DMD: variants seen among roughly 807,000 people sequenced by gnomAD.
DMD encodes dystrophin.
In DMD, 63 loss-of-function variants were observed where a neutral mutation model predicts 330.1. That is an observed-to-expected ratio of 0.19 (90% confidence interval 0.16 to 0.24). DMD has a LOEUF of 0.24. Ranked by LOEUF, DMD falls within the 10% of genes least tolerant of loss-of-function variation. DMD has a pLI of 1.00. For missense variants in DMD, 3,344 were observed against 2,684.1 expected (o/e 1.25, Z -5.43); for synonymous variants, 1,223 against 959.8 (o/e 1.27, Z -5.07).
intron 47 of DMD, among the ~76,000 whole-genome samples, chrX:31,900,248 G>T (rs1454114662): frequency 9.0e-6 from 1 of 111,299 alleles, no homozygotes; most frequent in Non-Finnish European, 1.9e-5. Flanking sequence ...CACTGATACG[G>T]TTTGGCTGTG....
chrX:32,365,275 G>A lies in DMD; in HGVS notation c.4846-76C>T, dbSNP rs1184897347. On this transcript the variant is annotated intron_variant, in intron 34 of 78. Coordinates refer to ENST00000357033, the MANE Select transcript of DMD (RefSeq NM_004006.3). Reference sequence around the variant, plus strand: ...TTTAATGCTTATGAAACGGCTTTCTGTATGGTTACTATGATTCTGCAAGGT... The same window carrying A: ...TTTAATGCTTATGAAACGGCTTTCTATATGGTTACTATGATTCTGCAAGGT... 3.9e-6 allele frequency: 4 copies of A among 1,013,950 alleles called. No individual in the cohort carries two copies. In the African/African-American group the frequency reaches 7.5e-5, roughly 19 times the overall value. The allele number at this position is 1,013,950 out of a possible 1,213,427, so 83.6% of individuals were successfully genotyped here. A position where few individuals can be genotyped will look rare whatever the true frequency, so the allele number is the denominator to read the frequency against.
intron 62 of DMD, among the ~76,000 whole-genome samples, chrX:31,322,496 A>ATACC (rs1215113705): frequency 8.9e-6 from 1 of 112,300 alleles, no homozygotes; most frequent in Non-Finnish European, 1.9e-5. Context: ...AAGTTAAGAG[A>ATACC]TACCTCATCT....
chrX:31,716,904 C>G (rs914628908), intron 52 of DMD, among the ~76,000 whole-genome samples: 2 of 109,136 alleles, frequency 1.8e-5, no homozygotes, highest in Non-Finnish European at 3.8e-5. Flanking sequence ...ATAACTGACT[C>G]CAAATGTAGC....
intron 41 of DMD, among the ~76,000 whole-genome samples, chrX:32,315,830 G>A (rs886305267): frequency 2.7e-5 from 3 of 111,850 alleles, no homozygotes; most frequent in Non-Finnish European, 5.7e-5. Flanking sequence ...TCTTTTAGAA[G>A]AGTGTTATGT....
At chrX:31,323,983 T>TA (rs11413320) in intron 61 of DMD, among the ~76,000 whole-genome samples, 3 of 111,674 alleles carry the variant, frequency 2.7e-5, no homozygotes, top group Non-Finnish European at 5.6e-5. Flanking sequence ...TGCTTTTTTT[T>TA]ATAATACTTC....
At chrX:31,659,872 T>C (rs1182322206) in intron 53 of DMD, among the ~76,000 whole-genome samples, 1 of 110,904 alleles carries the variant, frequency 9.0e-6, no homozygotes, top group African/African-American at 3.3e-5. Flanking sequence ...ATGGAAGAAA[T>C]TGAAAATAAT....
chrX:32,465,576 T>A (rs1345855141), intron 23 of DMD, among the ~76,000 whole-genome samples: 1 of 33,762 alleles, frequency 3.0e-5, no homozygotes, highest in Non-Finnish European at 5.9e-5. Flanking sequence ...TTTTTGTTTG[T>A]TTTTTGTTTT....
intron 59 of DMD, among the ~76,000 whole-genome samples, chrX:31,470,027 T>C (rs1426762227): frequency 9.0e-6 from 1 of 111,081 alleles, no homozygotes; most frequent in African/African-American, 3.3e-5. Context: ...CTTCAGGTCA[T>C]TTATGTTCCT....
intron 7 of DMD, among the ~76,000 whole-genome samples, chrX:32,736,254 A>T (rs987405579): frequency 1.8e-5 from 2 of 111,595 alleles, no homozygotes; most frequent in African/African-American, 6.5e-5. Flanking sequence ...ATCATTAAAA[A>T]GTCAGGAAAC....
intron 18 of DMD, among the ~76,000 whole-genome samples, chrX:32,516,375 G>A (rs1490253147): frequency 9.0e-6 from 1 of 111,716 alleles, no homozygotes; most frequent in Non-Finnish European, 1.9e-5. Context: ...GGTTGATAAA[G>A]GGGACTCACA....
Position 32,441,326 on chromosome X carries a change from A to G in DMD, c.3787-12T>C. 1.7e-6 allele frequency: 2 copies of G among 1,201,378 alleles called. No homozygotes were observed. Among genetic ancestry groups the G allele is most frequent in the Non-Finnish European group, 2.3e-6 (2 of 886,791 alleles). Reference sequence around the variant, plus strand: ...CATGCCCAAACTTCCTAAGAAAGAAATATATATCACAGATTAAATATTATG... The same window carrying G: ...CATGCCCAAACTTCCTAAGAAAGAAGTATATATCACAGATTAAATATTATG... On this transcript the variant is annotated splice_polypyrimidine_tract_variant and intron_variant, in intron 27 of 78. Transcript: ENST00000357033.
Position 31,180,487 on chromosome X carries a change from A to G in DMD, c.9975-6T>C, listed in dbSNP as rs1459745620. 2.6e-5 allele frequency: 29 copies of G among 1,111,385 alleles called. No individual in the cohort carries two copies. Among genetic ancestry groups the G allele is most frequent in the Non-Finnish European group, 3.6e-5 (29 of 805,310 alleles). 91.6% of individuals were successfully genotyped at this position (1,111,385 alleles called of 1,213,427 possible). ...AGTGCTTTAGACTCCTGTACCTGAT[A>G]AAGAGCAAAAACAAACACGTATGTA... On this transcript the variant is annotated splice_polypyrimidine_tract_variant and splice_region_variant and intron_variant, in intron 68 of 78. Transcript: ENST00000357033.
At chrX:32,581,411 A>C (rs866092048) in intron 13 of DMD, among the ~76,000 whole-genome samples, 36 of 112,143 alleles carry the variant, frequency 3.2e-4, no homozygotes, top group Non-Finnish European at 9.4e-5. Context: ...CTTTCTCTAG[A>C]GAGGTTAGAA....
intron 7 of DMD, among the ~76,000 whole-genome samples, chrX:32,718,433 G>T (rs934726155): frequency 9.0e-6 from 1 of 111,284 alleles, no homozygotes; most frequent in Non-Finnish European, 1.9e-5. Flanking sequence ...GACCTCCCCA[G>T]CCATGCTTCC....
At chrX:31,362,043 T>A (rs926347826) in intron 60 of DMD, among the ~76,000 whole-genome samples, 14 of 112,535 alleles carry the variant, frequency 1.2e-4, no homozygotes, top group African/African-American at 4.5e-4. Flanking sequence ...ACTTTCAAAA[T>A]ACAGTGATTA....
chrX:32,373,049 T>C (rs1394706397), intron 34 of DMD, among the ~76,000 whole-genome samples: 1 of 110,486 alleles, frequency 9.1e-6, no homozygotes, highest in Non-Finnish European at 1.9e-5. Flanking sequence ...TGTGGGATCA[T>C]TAAGAATTAG....
intron 13 of DMD, among the ~76,000 whole-genome samples, chrX:32,591,619 G>A (rs771535750): frequency 4.5e-5 from 5 of 112,143 alleles, no homozygotes; most frequent in African/African-American, 9.7e-5. Flanking sequence ...TGTCTGGAGC[G>A]GCCACTGCAA....
Position 31,605,860 on chromosome X carries a change from G to A in DMD, c.8217+21813C>T, listed in dbSNP as rs192648529. Among the ~76,000 whole-genome samples the A allele has an allele frequency of 2.7e-5, 3 of 111,802 alleles. No homozygotes were observed. In the East Asian group the frequency reaches 8.4e-4, roughly 31 times the overall value. On this transcript the variant is annotated intron_variant, in intron 55 of 78. Transcript: ENST00000357033. ...ATGGAGCAGTGAAAAGTAGATTTTG[G>A]TGTCGTGGTTTTATGAAAAAGAAAC...
At chrX:31,305,398 C>T (rs868218226) in intron 62 of DMD, among the ~76,000 whole-genome samples, 4 of 111,893 alleles carry the variant, frequency 3.6e-5, no homozygotes, top group Non-Finnish European at 7.5e-5. Flanking sequence ...TCTTTAAGTA[C>T]CTGTTCCTGC....
Sources: gnomAD v4.1 joint callset for allele counts (sites outside exome capture counted in the v4.1 genomes callset) on GRCh38, gnomAD v4.1.1 for gene constraint, MANE v1.5 for transcripts, NCBI Gene and HGNC (gene_info 2026-07-23, HGNC 2026-07-21) for gene names.